The following ARHGAP15 variants were observed in gnomAD, a reference collection of about 807,000 sequenced individuals.
ARHGAP15 encodes the protein rho GTPase-activating protein 15.
Under a neutral mutation model 63.7 loss-of-function variants are expected in ARHGAP15, and 51 were observed. The observed-to-expected ratio is 0.80, with a 90% confidence interval of 0.64 to 1.01. ARHGAP15 has a LOEUF of 1.01. Ranked by LOEUF, ARHGAP15 falls within the 50% of genes least tolerant of loss-of-function variation. ARHGAP15 has a pLI of 0.00. For missense variants in ARHGAP15, 560 were observed against 564.6 expected (o/e 0.99, Z 0.08); for synonymous variants, 191 against 193.8 (o/e 0.99, Z 0.12).
chr2:143,315,020 T>G (rs1683630933), intron 6 of ARHGAP15, among the ~76,000 whole-genome samples: 1 of 152,248 alleles, frequency 6.6e-6, no homozygotes, highest in Non-Finnish European at 1.5e-5. Context: ...TTTTTATGTA[T>G]GTATGTGGGT....
At chr2:143,286,096 C>T (rs1473804364) in intron 6 of ARHGAP15, among the ~76,000 whole-genome samples, 2 of 152,158 alleles carry the variant, frequency 1.3e-5, no homozygotes, top group Non-Finnish European at 2.9e-5. Context: ...TTTTCATTTA[C>T]ATTTTCTGTC....
chr2:143,144,873 TATTTCACAATA>T (rs1460447929), intron 1 of ARHGAP15, among the ~76,000 whole-genome samples: 2 of 152,072 alleles, frequency 1.3e-5, no homozygotes, highest in African/African-American at 2.4e-5. Context: ...AACAAGTAAC[TATTTCACAATA>T]ATGCGCGTAT....
At chr2:143,598,789 C>T (rs7595012) in intron 11 of ARHGAP15, among the ~76,000 whole-genome samples, 123,056 of 151,992 alleles carry the variant, frequency 0.81, 49,922 homozygotes, top group South Asian at 0.83. Context: ...GCATGGTGTA[C>T]GCCTTCAGTC....
chr2:143,708,165 G>A (rs1038888747), intron 13 of ARHGAP15, among the ~76,000 whole-genome samples: 5 of 152,168 alleles, frequency 3.3e-5, no homozygotes, highest in African/African-American at 1.2e-4. Context: ...TCTGTCAAAG[G>A]GAGATTATAA....
intron 13 of ARHGAP15, among the ~76,000 whole-genome samples, chr2:143,727,613 G>A (rs928856701): frequency 2.0e-5 from 3 of 152,164 alleles, no homozygotes; most frequent in African/African-American, 7.2e-5. Context: ...ACAGAGGTAA[G>A]GTTTTCAGCT....
At chr2:143,418,376 C>T (rs1026280897) in intron 6 of ARHGAP15, among the ~76,000 whole-genome samples, 11 of 152,060 alleles carry the variant, frequency 7.2e-5, no homozygotes, top group Non-Finnish European at 1.0e-4. Context: ...ATACCTAAGG[C>T]TAAGTGTAAA....
intron 11 of ARHGAP15, among the ~76,000 whole-genome samples, chr2:143,578,139 G>A (rs1696746729): frequency 6.6e-6 from 1 of 152,144 alleles, no homozygotes; most frequent in Non-Finnish European, 1.5e-5. Flanking sequence ...GGGTAATCAT[G>A]TCCAAGTTAC....
chr2:143,387,617 A>G (rs1197295764), intron 6 of ARHGAP15, among the ~76,000 whole-genome samples: 1 of 152,178 alleles, frequency 6.6e-6, no homozygotes, highest in Non-Finnish European at 1.5e-5. Context: ...GCCTATGCAC[A>G]TGTAGCTAGT....
At chr2:143,234,072 T>C (rs998357451) in intron 5 of ARHGAP15, among the ~76,000 whole-genome samples, 4 of 152,226 alleles carry the variant, frequency 2.6e-5, no homozygotes, top group South Asian at 2.1e-4. Flanking sequence ...ATTTTTCTTA[T>C]ATTTTTGTCT....
At chr2:143,286,379 C>T (rs1682100688) in intron 6 of ARHGAP15, among the ~76,000 whole-genome samples, 1 of 152,174 alleles carries the variant, frequency 6.6e-6, no homozygotes, top group African/African-American at 2.4e-5. Flanking sequence ...ATCCATTTTA[C>T]ACACATAAAA....
intron 6 of ARHGAP15, among the ~76,000 whole-genome samples, chr2:143,327,205 G>C (rs559581699): frequency 3.3e-4 from 50 of 152,246 alleles, no homozygotes; most frequent in African/African-American, 1.1e-3. Flanking sequence ...ACTTACAATG[G>C]ATATGAAGGA....
At chr2:143,516,332 C>T (rs1292408055) in intron 9 of ARHGAP15, among the ~76,000 whole-genome samples, 1 of 152,084 alleles carries the variant, frequency 6.6e-6, no homozygotes, top group African/African-American at 2.4e-5. Flanking sequence ...TTCTCATATC[C>T]ACCTGTCTAA....
At chr2:143,376,416 C>CT (rs1686809088) in intron 6 of ARHGAP15, among the ~76,000 whole-genome samples, 1 of 152,186 alleles carries the variant, frequency 6.6e-6, no homozygotes, top group Non-Finnish European at 1.5e-5. Flanking sequence ...AATCAATTCA[C>CT]TGCAGCCTAC....
intron 8 of ARHGAP15, among the ~76,000 whole-genome samples, chr2:143,449,374 CTCTTCTTTTCGGAACACATAA>C (rs1375047155): frequency 6.6e-6 from 1 of 152,076 alleles, no homozygotes; most frequent in African/African-American, 2.4e-5. Context: ...TTCCATTTGA[CTCTTCTTTTCGGAACACATAA>C]TCTCACATGT....
At chr2:143,230,368 G>A (rs1693387524) in intron 5 of ARHGAP15, among the ~76,000 whole-genome samples, 1 of 152,142 alleles carries the variant, frequency 6.6e-6, no homozygotes. Context: ...TTATACAGGT[G>A]AAAGAAAACT....
chr2:143,342,850 T>G (rs989429605), intron 6 of ARHGAP15, among the ~76,000 whole-genome samples: 1 of 152,030 alleles, frequency 6.6e-6, no homozygotes, highest in African/African-American at 2.4e-5. Context: ...ACAATAATAT[T>G]GACAATATTA....
chr2:143,145,104 C>G (rs1689527567), intron 1 of ARHGAP15, among the ~76,000 whole-genome samples: 1 of 151,972 alleles, frequency 6.6e-6, no homozygotes, highest in Admixed American at 6.6e-5. Context: ...CTTTATAGCT[C>G]TCTTTCTCTT....
intron 9 of ARHGAP15, among the ~76,000 whole-genome samples, chr2:143,507,174 C>T (rs978430647): frequency 5.9e-5 from 9 of 152,114 alleles, no homozygotes; most frequent in Non-Finnish European, 4.4e-5. Flanking sequence ...AACTCAGTTA[C>T]CAGTGCCACA....
chr2:143,361,025 A>C (rs541523123), intron 6 of ARHGAP15, among the ~76,000 whole-genome samples: 1 of 152,288 alleles, frequency 6.6e-6, no homozygotes, highest in East Asian at 1.9e-4. Flanking sequence ...GTCTCAGAAC[A>C]TTACCACCAG....
Sources: allele counts gnomAD v4.1 joint callset (sites outside exome capture counted in the v4.1 genomes callset), GRCh38; gene constraint gnomAD v4.1.1; transcripts MANE v1.5; gene names NCBI Gene and HGNC (gene_info 2026-07-23, HGNC 2026-07-21).